The following TRIM55 variants were observed in gnomAD, a reference collection of about 807,000 sequenced individuals.
TRIM55 encodes tripartite motif containing 55.
Under a neutral mutation model 60.9 loss-of-function variants are expected in TRIM55, and 50 were observed. The observed-to-expected ratio is 0.82, with a 90% CI of 0.65 to 1.04. TRIM55 has a LOEUF of 1.04. Among genes scored for constraint, TRIM55 ranks in the 50% least tolerant of loss-of-function variants. The pLI is 0.00. For missense variants in TRIM55, 681 were observed against 666.9 expected (o/e 1.02, Z -0.23); for synonymous variants, 237 against 238.1 (o/e 1.00, Z 0.04).
At chr8:66,127,777 G>T (rs887823919) in intron 1 of TRIM55, among the ~76,000 whole-genome samples, 4 of 152,182 alleles carry the variant, frequency 2.6e-5, no homozygotes, top group Admixed American at 6.5e-5. Context: ...GGACATTGCA[G>T]CGAGCGGAGA....
intron 9 of TRIM55, among the ~76,000 whole-genome samples, chr8:66,165,966 T>C (rs1047625015): frequency 1.3e-5 from 2 of 151,756 alleles, no homozygotes; most frequent in Non-Finnish European, 2.9e-5. Flanking sequence ...TTTTTTTTCC[T>C]ACTGAGAAAG....
At chr8:66,153,184 G>A (rs1404894541) in intron 8 of TRIM55, among the ~76,000 whole-genome samples, 1 of 152,116 alleles carries the variant, frequency 6.6e-6, no homozygotes, top group African/African-American at 2.4e-5. Context: ...TACAACTTAT[G>A]TATTTTTCCT....
chr8:66,143,764 T>C (rs558956318), intron 4 of TRIM55, among the ~76,000 whole-genome samples: 2 of 152,334 alleles, frequency 1.3e-5, no homozygotes, highest in South Asian at 2.1e-4. Flanking sequence ...GTGCATTGTG[T>C]GCCATGTTCT....
At chr8:66,138,080 T>G (rs1441786277) in intron 4 of TRIM55, among the ~76,000 whole-genome samples, 1 of 152,116 alleles carries the variant, frequency 6.6e-6, no homozygotes, top group African/African-American at 2.4e-5. Context: ...GCTCTAAGAT[T>G]TGGGGTCATT....
intron 7 of TRIM55, 83 bp downstream of exon 7, chr8:66,150,549 T>C (rs572619189): frequency 3.2e-5 from 48 of 1,515,408 alleles, no homozygotes; most frequent in Non-Finnish European, 4.3e-5. Context: ...AAGCGGGGAT[T>C]CAGAATCACC....
chr8:66,163,406 A>T (rs1439142116), intron 9 of TRIM55, among the ~76,000 whole-genome samples: 1 of 152,200 alleles, frequency 6.6e-6, no homozygotes, highest in African/African-American at 2.4e-5. Flanking sequence ...ACAAGCTTTC[A>T]GTGCTGTAAA....
At chr8:66,144,262 C>T (rs1184282266) in intron 4 of TRIM55, among the ~76,000 whole-genome samples, 2 of 152,172 alleles carry the variant, frequency 1.3e-5, no homozygotes, top group Admixed American at 6.5e-5. Flanking sequence ...AAATATCCCA[C>T]CCATCATCAT....
Position 66,151,191 on chromosome 8 carries a change from A to G in TRIM55, c.985+725A>G, listed in dbSNP as rs532716356. Among the ~76,000 whole-genome samples the G allele has an allele frequency of 7.2e-5, 11 of 152,362 alleles. No individual in the cohort carries two copies. In the South Asian group the frequency reaches 2.3e-3, roughly 32 times the overall value. On this transcript the variant is annotated intron_variant, in intron 7 of 9. Transcript: ENST00000315962. ...TAATCAAAATTTAGAGGACAAGAAT[A>G]GTAACAACTCATAGAATAAGTCACA...
the TRIM55 span, among the ~76,000 whole-genome samples, chr8:66,119,237 A>T: frequency 1.6e-4 from 24 of 152,278 alleles, no homozygotes; most frequent in East Asian, 1.3e-3. Flanking sequence ...GAAAGCAAGA[A>T]TACTTCCTTT....
At chr8:66,155,788 G>T in intron 9 of TRIM55, 5 of 1,010,512 alleles carry the variant, frequency 4.9e-6, no homozygotes, top group Non-Finnish European at 7.5e-6. Flanking sequence ...TAGGCCCAGA[G>T]ATTAATTTCT....
the TRIM55 span, chr8:66,113,507 C>T: frequency 3.4e-4 from 153 of 456,068 alleles, no homozygotes; most frequent in Non-Finnish European, 6.1e-4. Flanking sequence ...ATGGCACTTT[C>T]CTTGGGTGCC....
In TRIM55 at chr8:66,127,208, A is replaced by G. The variant is rs1808855827; in HGVS notation, c.-61A>G. On this transcript the variant is annotated 5_prime_UTR_variant, in exon 1 of 10. Transcript: ENST00000315962. ...CAATCCCTGGAATAATATCCAGGAAACACTTGCTGGAGCCACTCGCAGCAC... is the reference window on the plus strand; with the variant it reads ...CAATCCCTGGAATAATATCCAGGAAGCACTTGCTGGAGCCACTCGCAGCAC... The G allele has an allele frequency of 2.0e-6, 3 of 1,514,302 alleles. No individual in the cohort carries two copies. Among genetic ancestry groups the G allele is most frequent in the African/African-American group, 1.4e-5 (1 of 72,392 alleles). The allele number at this position is 1,514,302 out of a possible 1,614,324, so 93.8% of individuals were successfully genotyped here.
chr8:66,121,828 A>C, the TRIM55 span, among the ~76,000 whole-genome samples: 1 of 152,266 alleles, frequency 6.6e-6, no homozygotes, highest in Non-Finnish European at 1.5e-5. Flanking sequence ...AATTTTGTTA[A>C]TTTTAATTTG....
chr8:66,135,108 A>G lies in TRIM55; in HGVS notation c.460A>G (p.Lys154Glu), dbSNP rs750495758. 5 of 1,614,054 alleles carry G rather than the reference A, an allele frequency of 3.1e-6. No individual in the cohort carries two copies. In the East Asian group the frequency reaches 8.9e-5, roughly 29 times the overall value. Residue 154 changes from lysine to glutamate, a missense_variant, in exon 3 of 10, where the codon AAA becomes GAA. Physicochemically the swap from Lys to Glu is moderately conservative, Grantham distance 56 (BLOSUM62 1). Coordinates refer to ENST00000315962, the MANE Select transcript of TRIM55 (RefSeq NM_184085.2). ...CSLCKVFGAH[K>E]DCQVAPLTHV... ...TCTGTGCAAGGTGTTTGGTGCACAC[A>G]AAGACTGCCAGGTGGCTCCCCTCAC...
intron 2 of TRIM55, among the ~76,000 whole-genome samples, chr8:66,129,212 A>G (rs1809003554): frequency 6.6e-6 from 1 of 152,244 alleles, no homozygotes; most frequent in Non-Finnish European, 1.5e-5. Context: ...AAGGCTTCTT[A>G]TTCACCAAAC....
At chr8:66,141,022 G>T (rs1396342544) in intron 4 of TRIM55, among the ~76,000 whole-genome samples, 2 of 152,140 alleles carry the variant, frequency 1.3e-5, no homozygotes, top group Non-Finnish European at 1.5e-5. Flanking sequence ...GAGCCCTTTG[G>T]TGGCTGTGCT....
intron 9 of TRIM55, among the ~76,000 whole-genome samples, chr8:66,161,863 T>C (rs1191402997): frequency 6.6e-6 from 1 of 151,896 alleles, no homozygotes; most frequent in Non-Finnish European, 1.5e-5. Flanking sequence ...TTTGTGTATG[T>C]TAATTTTGTA....
intron 7 of TRIM55, among the ~76,000 whole-genome samples, chr8:66,151,863 A>G (rs1810442952): frequency 7.7e-6 from 1 of 129,976 alleles, no homozygotes; most frequent in Non-Finnish European, 1.6e-5. Context: ...TAAATAAATA[A>G]ATAAATAAAT....
chr8:66,142,939 T>A (rs1809900418), intron 4 of TRIM55, among the ~76,000 whole-genome samples: 1 of 152,236 alleles, frequency 6.6e-6, no homozygotes, highest in Non-Finnish European at 1.5e-5. Flanking sequence ...GGAAGGAACT[T>A]CTTACTTTAA....
Sources: allele counts gnomAD v4.1 joint callset (sites outside exome capture counted in the v4.1 genomes callset), GRCh38; gene constraint gnomAD v4.1.1; transcripts MANE v1.5; gene names NCBI Gene and HGNC (gene_info 2026-07-23, HGNC 2026-07-21).